Variants in ADAD1 observed in about 807,000 individuals in gnomAD.
ADAD1 encodes adenosine deaminase domain containing 1.
In ADAD1, 46 loss-of-function variants were observed where a neutral mutation model predicts 66.8. That is an observed-to-expected ratio of 0.69 (90% CI 0.54 to 0.88). The LOEUF (loss-of-function observed/expected upper bound fraction) is 0.88, where lower values mean the gene tolerates loss of function less well. Among genes scored for constraint, ADAD1 ranks in the 40% least tolerant of loss-of-function variants. The probability of loss-of-function intolerance (pLI) is 0.00; values close to 1 mark genes in which losing one functional copy is unlikely to be tolerated. For synonymous variants in ADAD1, 248 were observed against 229.4 expected (o/e 1.08, Z -0.73); for missense variants, 617 against 681.8 (o/e 0.91, Z 1.06).
chr4:122,427,957 A>G (rs371491093), intron 12 of ADAD1, among the ~76,000 whole-genome samples: 12 of 152,358 alleles, frequency 7.9e-5, no homozygotes, highest in African/African-American at 2.6e-4. Flanking sequence ...AGAAATATAG[A>G]TCAGTGGAAC....
At chr4:122,426,088 C>T (rs944494257) in intron 12 of ADAD1, among the ~76,000 whole-genome samples, 12 of 151,858 alleles carry the variant, frequency 7.9e-5, no homozygotes, top group Middle Eastern at 3.4e-3. Flanking sequence ...AAGTTAAACT[C>T]GGTAATCCTT....
In ADAD1 at chr4:122,381,113, G is replaced by A; in HGVS notation, c.294G>A (p.Val98=). 1 of 1,604,852 alleles carries A rather than the reference G, an allele frequency of 6.2e-7. No individual in the cohort carries two copies. The part of the protein sequence containing the change: ...MKYKRGEINP[V]SALHQFAQMQ... Reference sequence around the variant, plus strand: ...ACAAACGTGGAGAGATAAATCCTGTGTCAGCCTTGCACCAGTTTGCACAAA... The same window carrying A: ...ACAAACGTGGAGAGATAAATCCTGTATCAGCCTTGCACCAGTTTGCACAAA... Residue 98 remains valine (V), a synonymous_variant, in exon 4 of 13, where the codon GTG becomes GTA. Transcript: ENST00000296513.
chr4:122,403,660 C>T (rs906494394), intron 7 of ADAD1, among the ~76,000 whole-genome samples: 3 of 151,978 alleles, frequency 2.0e-5, no homozygotes, highest in Non-Finnish European at 2.9e-5. Flanking sequence ...CACCATCTGT[C>T]GTAGGAGAAT....
chr4:122,424,541 A>G (rs1239686598), intron 12 of ADAD1, among the ~76,000 whole-genome samples: 1 of 152,178 alleles, frequency 6.6e-6, no homozygotes, highest in Non-Finnish European at 1.5e-5. Context: ...AAAGAGGTAT[A>G]TTGTAATTCC....
chr4:122,402,013 A>G (rs1403235573), intron 7 of ADAD1, among the ~76,000 whole-genome samples: 1 of 151,512 alleles, frequency 6.6e-6, no homozygotes, highest in African/African-American at 2.4e-5. Context: ...GATATAGGGT[A>G]CTGTTCTATT....
chr4:122,399,426 C>T (rs1209567203), intron 7 of ADAD1, among the ~76,000 whole-genome samples: 1 of 152,050 alleles, frequency 6.6e-6, no homozygotes, highest in Non-Finnish European at 1.5e-5. Flanking sequence ...AATGTGATGC[C>T]TCCAGATTTG....
intron 10 of ADAD1, among the ~76,000 whole-genome samples, chr4:122,413,950 T>C (rs1796591669): frequency 6.7e-6 from 1 of 148,318 alleles, no homozygotes; most frequent in Non-Finnish European, 1.5e-5. Context: ...TGGAGTTTCG[T>C]GTTATTTCAG....
chr4:122,415,370 G>T lies in ADAD1; in HGVS notation c.1250-9G>T, dbSNP rs1796681188. On this transcript the variant is annotated splice_polypyrimidine_tract_variant and intron_variant, in intron 10 of 12. Transcript: ENST00000296513. ...TATTGAACTTGAGTGTTTTGTTTTT[G>T]CTTTCTAGGTGATGGGAATTGCAGT... The T allele has an allele frequency of 6.3e-7, 1 of 1,596,430 alleles. No homozygotes were observed. Among genetic ancestry groups the T allele is most frequent in the African/African-American group, 1.4e-5 (1 of 74,000 alleles).
At chr4:122,384,926 G>T (rs1017494162) in intron 5 of ADAD1, among the ~76,000 whole-genome samples, 2 of 152,112 alleles carry the variant, frequency 1.3e-5, no homozygotes, top group Admixed American at 6.5e-5. Flanking sequence ...AGTACCAATG[G>T]TGCCTTAATT....
intron 4 of ADAD1, among the ~76,000 whole-genome samples, chr4:122,383,297 A>G (rs1393571563): frequency 6.6e-6 from 1 of 152,170 alleles, no homozygotes; most frequent in Non-Finnish European, 1.5e-5. Flanking sequence ...CTGATAGTAC[A>G]CAGGGTTTCT....
intron 5 of ADAD1, among the ~76,000 whole-genome samples, chr4:122,386,691 C>G (rs1022833560): frequency 1.6e-4 from 25 of 152,142 alleles, no homozygotes; most frequent in Non-Finnish European, 3.5e-4. Flanking sequence ...AGTCTTTAAT[C>G]CATCTTGAGT....
chr4:122,398,321 T>G (rs970272809), intron 7 of ADAD1, among the ~76,000 whole-genome samples: 1 of 145,570 alleles, frequency 6.9e-6, no homozygotes, highest in African/African-American at 2.5e-5. Flanking sequence ...TTCCAGGGTG[T>G]GTGTGTGTGT....
At chr4:122,419,405 G>C (rs926534779) in intron 11 of ADAD1, among the ~76,000 whole-genome samples, 1 of 152,112 alleles carries the variant, frequency 6.6e-6, no homozygotes, top group Admixed American at 6.6e-5. Flanking sequence ...GGAGGGAGAC[G>C]ATCAGGAAAA....
At chr4:122,380,527 A>G (rs891270933) in intron 3 of ADAD1, 3 of 410,436 alleles carry the variant, frequency 7.3e-6, no homozygotes, top group African/African-American at 2.0e-5. Context: ...CTGGACTTAC[A>G]CTGGTCTGTA....
chr4:122,397,898 A>G (rs531018447), intron 7 of ADAD1, among the ~76,000 whole-genome samples: 2 of 152,354 alleles, frequency 1.3e-5, no homozygotes, highest in African/African-American at 4.8e-5. Context: ...GAATATAAGC[A>G]GGAAAAGCTT....
chr4:122,390,927 G>A (rs935421527), intron 5 of ADAD1, among the ~76,000 whole-genome samples: 2 of 152,160 alleles, frequency 1.3e-5, no homozygotes, highest in Non-Finnish European at 2.9e-5. Flanking sequence ...ATCATTTGTA[G>A]AAGAGGCACT....
At chr4:122,424,539 A>G (rs1457919981) in intron 12 of ADAD1, among the ~76,000 whole-genome samples, 2 of 152,190 alleles carry the variant, frequency 1.3e-5, no homozygotes, top group African/African-American at 4.8e-5. Flanking sequence ...GTAAAGAGGT[A>G]TATTGTAATT....
chr4:122,414,629 T>C (rs976120848), intron 10 of ADAD1, among the ~76,000 whole-genome samples: 9 of 152,128 alleles, frequency 5.9e-5, no homozygotes, highest in Non-Finnish European at 1.0e-4. Context: ...GACACAAAAC[T>C]TTATTTGTGA....
Position 122,392,684 on chromosome 4 carries a change from C to T in ADAD1, c.530-905C>T, listed in dbSNP as rs143590834. Among the ~76,000 whole-genome samples the T allele has an allele frequency of 3.2e-4, 49 of 152,176 alleles. No individual in the cohort carries two copies. The East Asian group carries it at 9.1e-3, about 28-fold the overall frequency. Reference sequence around the variant, plus strand: ...CCATTTAACAAACCTACACATGTACCTCCTGTATCTAAAAAGTTGAAAGTT... The same window carrying T: ...CCATTTAACAAACCTACACATGTACTTCCTGTATCTAAAAAGTTGAAAGTT... On this transcript the variant is annotated intron_variant, in intron 5 of 12. Coordinates refer to ENST00000296513, the MANE Select transcript of ADAD1 (RefSeq NM_139243.4).
Sources: gnomAD v4.1 joint callset for allele counts (sites outside exome capture counted in the v4.1 genomes callset) on GRCh38, gnomAD v4.1.1 for gene constraint, MANE v1.5 for transcripts, NCBI Gene and HGNC (gene_info 2026-07-23, HGNC 2026-07-21) for gene names.